FKBP15: variants seen among roughly 807,000 people sequenced by gnomAD.
FKBP15 encodes FKBP prolyl isomerase family member 15.
In FKBP15, 106 loss-of-function variants were observed where a neutral mutation model predicts 158.1. That is an observed-to-expected ratio of 0.67 (90% confidence interval 0.57 to 0.79). The LOEUF is 0.79. FKBP15 is among the 30% of genes least tolerant of loss of function. The probability of loss-of-function intolerance (pLI) is 0.00; values close to 1 mark genes in which losing one functional copy is unlikely to be tolerated. For synonymous variants in FKBP15, 547 were observed against 548.6 expected (o/e 1.00, Z 0.04); for missense variants, 1,287 against 1,479.1 (o/e 0.87, Z 2.13).
At chr9:113,189,206 C>A (rs987413155) in intron 12 of FKBP15, among the ~76,000 whole-genome samples, 1 of 152,180 alleles carries the variant, frequency 6.6e-6, no homozygotes, top group African/African-American at 2.4e-5. Context: ...ACCTTGTCCC[C>A]TTATATTCTC....
At chr9:113,209,575 A>G (rs948143648) in intron 2 of FKBP15, among the ~76,000 whole-genome samples, 32 of 152,336 alleles carry the variant, frequency 2.1e-4, no homozygotes, top group Middle Eastern at 3.4e-3. Context: ...GTGGTATAAT[A>G]TGAAATATGT....
intron 6 of FKBP15, among the ~76,000 whole-genome samples, chr9:113,200,612 G>A (rs1178252265): frequency 6.6e-6 from 1 of 152,118 alleles, no homozygotes; most frequent in Non-Finnish European, 1.5e-5. Flanking sequence ...TCTTGGGCTT[G>A]TGTTTTAATA....
At position 113,186,332 on chromosome 9, in the gene FKBP15, G is replaced by C. The variant is rs1177577568; in HGVS notation, c.1415C>G (p.Pro472Arg). The change falls in exon 15 of 28, where the codon CCC becomes CGC. Residue 472 changes from proline (P) to arginine (R), a missense_variant. Pro to Arg is a moderately radical substitution (Grantham distance 103). Coordinates refer to ENST00000238256, the MANE Select transcript of FKBP15 (RefSeq NM_015258.2). Reference protein sequence around the residue: ...PYAGMQAYAYPQASAVTSQLQ... With the variant: ...PYAGMQAYAYRQASAVTSQLQ... ...CTGGGAGGTGACGGCAGATGCCTGG[G>C]GATAAGCGTAGGCTTGCATACCTGC... is the stretch of plus-strand genomic sequence containing the variant. 1.3e-6 allele frequency: 2 copies of C among 1,567,834 alleles called. No individual in the cohort carries two copies. Among genetic ancestry groups the C allele is most frequent in the East Asian group, 2.4e-5 (1 of 42,392 alleles).
intron 20 of FKBP15, 111 bp from the exon 21 acceptor site, chr9:113,176,784 C>T: frequency 8.1e-7 from 1 of 1,231,008 alleles, no homozygotes; most frequent in Non-Finnish European, 1.1e-6. Context: ...AGCCTTGCTC[C>T]ATCACTCAGG....
chr9:113,183,766 A>G lies in FKBP15; in HGVS notation c.1796T>C (p.Ile599Thr), dbSNP rs867587335. Residue 599 changes from isoleucine to threonine, a missense_variant, in exon 18 of 28, where the codon ATT becomes ACT. Transcript: ENST00000238256. ...EEQNDKISEL[I>T]ERNQRYVEQS... ...CTGTCATTACCTCTGATTTCGTTCA[A>G]TTAGTTCACTAATCTTGTCATTCTG... 4 of 1,613,104 alleles carry G rather than the reference A, an allele frequency of 2.5e-6. No individual in the cohort carries two copies. The highest frequency in any genetic ancestry group is 3.3e-4 in the Middle Eastern group (2 of 6,062).
Position 113,164,026 on chromosome 9 carries a change from A to C in FKBP15, c.*2052T>G, listed in dbSNP as rs915227931. On this transcript the variant is annotated 3_prime_UTR_variant, in exon 28 of 28. Coordinates refer to ENST00000238256, the MANE Select transcript of FKBP15 (RefSeq NM_015258.2). ...CTTCACTTTATAAAAAAGGAAAGAGAGAAAATCACTGCTGTATACTAAATA... is the reference window on the plus strand; with the variant it reads ...CTTCACTTTATAAAAAAGGAAAGAGCGAAAATCACTGCTGTATACTAAATA... 1.3e-5 allele frequency: 2 copies of C among 152,656 alleles called. No homozygotes were observed. The highest frequency in any genetic ancestry group is 4.8e-5 in the African/African-American group (2 of 41,456). The allele number at this position is 152,656 out of a possible 1,614,324, so 9.5% of individuals were successfully genotyped here. A position where few individuals can be genotyped will look rare whatever the true frequency, so the allele number is the denominator to read the frequency against.
At chr9:113,190,740 A>C (rs1830560824) in intron 11 of FKBP15, among the ~76,000 whole-genome samples, 162 bp from the exon 12 acceptor site, 1 of 152,252 alleles carries the variant, frequency 6.6e-6, no homozygotes, top group Non-Finnish European at 1.5e-5. Context: ...CTTGCATAGA[A>C]GTATACATGG....
At chr9:113,205,754 G>A (rs1018572431) in intron 4 of FKBP15, among the ~76,000 whole-genome samples, 2 of 152,008 alleles carry the variant, frequency 1.3e-5, no homozygotes, top group African/African-American at 4.8e-5. Flanking sequence ...ATAGACAAAA[G>A]GTATAAACAA....
intron 1 of FKBP15, among the ~76,000 whole-genome samples, chr9:113,220,032 T>C (rs1299753933): frequency 6.6e-6 from 1 of 152,196 alleles, no homozygotes; most frequent in Non-Finnish European, 1.5e-5. Flanking sequence ...GCCAGTGTCA[T>C]TTTATGGTCA....
intron 6 of FKBP15, among the ~76,000 whole-genome samples, chr9:113,200,827 C>A (rs1201436546): frequency 6.6e-6 from 1 of 152,046 alleles, no homozygotes; most frequent in African/African-American, 2.4e-5. Context: ...GGGCGGATCA[C>A]AAGGTCAAGA....
At position 113,184,766 on chromosome 9, in the gene FKBP15, G is replaced by A. The variant is rs752125897; in HGVS notation, c.1537C>T (p.Arg513Trp). ...ATTCGAATTTCAGTGTTATGTTGCC[G>A]GGCTTCAGTCATGAGAAATGAAGCC... The part of the protein sequence containing the change: ...DMASFLMTEA[R>W]QHNTEIRMAV... Residue 513 changes from arginine (R) to tryptophan (W), a missense_variant, in exon 16 of 28, where the codon CGG (arginine) becomes TGG (tryptophan). Arg to Trp is a moderately radical substitution (Grantham distance 101). Coordinates refer to ENST00000238256, the MANE Select transcript of FKBP15 (RefSeq NM_015258.2). The surrounding 1 kb of genome is among the most constrained non-coding windows in gnomAD (Gnocchi z 4.5). The A allele has an allele frequency of 1.6e-5, 25 of 1,606,254 alleles. No individual in the cohort carries two copies. The highest frequency in any genetic ancestry group is 2.7e-5 in the African/African-American group (2 of 74,974).
chr9:113,171,667 G>C lies in FKBP15; in HGVS notation c.2572C>G (p.Gln858Glu), dbSNP rs761608841. The C allele has an allele frequency of 6.2e-7, 1 of 1,602,150 alleles. No individual in the cohort carries two copies. Residue 858 changes from glutamine to glutamate, a missense_variant, in exon 24 of 28, where the codon CAA becomes GAA. Coordinates refer to ENST00000238256, the MANE Select transcript of FKBP15 (RefSeq NM_015258.2). Reference protein sequence around the residue: ...LQAQITALTKQNEQHIKELEK... With the variant: ...LQAQITALTKENEQHIKELEK... ...AGTTCCTTGATGTGCTGTTCATTTT[G>C]CTTGGTGAGAGCTGTGATTTGGGCC... is the stretch of plus-strand genomic sequence containing the variant.
At position 113,186,242 on chromosome 9, in the gene FKBP15, T is replaced by C. The variant is rs918674823; in HGVS notation, c.1498+7A>G. ...GAAGATGAGAAACTGAGGGAATTAC[T>C]CCCTACCTTGGAAATGGGGAGGCTG... On this transcript the variant is annotated splice_region_variant and intron_variant, in intron 15 of 27. Coordinates refer to ENST00000238256, the MANE Select transcript of FKBP15 (RefSeq NM_015258.2). 6.5e-7 allele frequency: 1 copy of C among 1,549,650 alleles called. No homozygotes were observed. The highest frequency in any genetic ancestry group is 1.4e-5 in the African/African-American group (1 of 73,154).
intron 21 of FKBP15, among the ~76,000 whole-genome samples, chr9:113,175,064 GAAAAAAAAAAAAAAAAAAAAAA>G (rs1164710751): frequency 0.018 from 31 of 1,734 alleles, 12 homozygotes; most frequent in African/African-American, 0.095. Flanking sequence ...CTCCGCCTCA[GAAAAAAAAAAAAAAAAAAAAAA>G]AAAAAAAAAA....
chr9:113,173,604 A>G lies in FKBP15; in HGVS notation c.2381T>C (p.Leu794Pro). The G allele has an allele frequency of 1.9e-6, 3 of 1,613,204 alleles. No homozygotes were observed. Among genetic ancestry groups the G allele is most frequent in the Non-Finnish European group, 2.5e-6 (3 of 1,179,362 alleles). ...VSTDQAAAEQLSLVQAELQTQ... is the reference protein window; with the variant it reads ...VSTDQAAAEQPSLVQAELQTQ... The stretch of plus-strand genomic sequence containing the variant: ...CTGTAGCTCAGCCTGTACTAAAGAC[A>G]GCTGCCAAGAGAAAGTAATGACCAT... The change falls in exon 23 of 28, where the codon CTG becomes CCG. Residue 794 changes from leucine to proline, a missense_variant and splice_region_variant. Physicochemically the swap from Leu to Pro is moderately conservative, Grantham distance 98 (BLOSUM62 -3). Coordinates refer to ENST00000238256, the MANE Select transcript of FKBP15 (RefSeq NM_015258.2).
At chr9:113,207,132 C>G in intron 3 of FKBP15, 80 bp downstream of exon 3, 1 of 1,099,462 alleles carries the variant, frequency 9.1e-7, no homozygotes, top group Non-Finnish European at 1.3e-6. Context: ...TTGCAACAAA[C>G]AGAGGTTTTT....
At chr9:113,206,710 AAATTTTT>A in intron 3 of FKBP15, 132 bp from the exon 4 acceptor site, 2 of 526,722 alleles carry the variant, frequency 3.8e-6, no homozygotes, top group Non-Finnish European at 6.4e-6. Flanking sequence ...GAGCGGTTTA[AAATTTTT>A]TTTTTTTTTT....
chr9:113,213,206 C>T (rs904206546), intron 1 of FKBP15, among the ~76,000 whole-genome samples: 8 of 152,050 alleles, frequency 5.3e-5, no homozygotes, highest in South Asian at 2.1e-4. Context: ...GTCAGGCGTT[C>T]GAGACCAGCC....
At chr9:113,215,900 C>T (rs993645562) in intron 1 of FKBP15, among the ~76,000 whole-genome samples, 1 of 151,342 alleles carries the variant, frequency 6.6e-6, no homozygotes, top group Non-Finnish European at 1.5e-5. Flanking sequence ...ATCCACCCGC[C>T]TCAGCCTCCC....
Sources: gnomAD v4.1 joint callset for allele counts (sites outside exome capture counted in the v4.1 genomes callset) on GRCh38, gnomAD v4.1.1 for gene constraint, Gnocchi (gnomAD v3.1) non-coding constraint, MANE v1.5 for transcripts, NCBI Gene and HGNC (gene_info 2026-07-23, HGNC 2026-07-21) for gene names.